Variants in NMNAT2 observed in about 807,000 individuals in gnomAD.
The protein encoded by NMNAT2 is nicotinamide/nicotinic acid mononucleotide adenylyltransferase 2.
A neutral mutation model predicts 41.6 loss-of-function variants in NMNAT2; 11 were observed. That is an observed-to-expected ratio of 0.26 (90% confidence interval 0.17 to 0.44). The LOEUF (loss-of-function observed/expected upper bound fraction) is 0.44. Among genes scored for constraint, NMNAT2 ranks in the 20% least tolerant of loss-of-function variants. The pLI is 1.00. For synonymous variants in NMNAT2, 148 were observed against 151.2 expected, an observed-to-expected ratio of 0.98 and a Z score of 0.16; for missense variants, 288 against 407.7, an observed-to-expected ratio of 0.71 and a Z score of 2.53.
At chr1:183,392,868 T>C (rs555774582) in intron 1 of NMNAT2, among the ~76,000 whole-genome samples, 13 of 152,202 alleles carry the variant, frequency 8.5e-5, no homozygotes, top group Non-Finnish European at 1.6e-4. Context: ...AACCCCATAC[T>C]CACTAGTCCT....
chr1:183,299,200 C>T (rs1201629128), intron 1 of NMNAT2, among the ~76,000 whole-genome samples: 3 of 151,830 alleles, frequency 2.0e-5, no homozygotes, highest in Non-Finnish European at 2.9e-5. Flanking sequence ...GGTGAAACCC[C>T]GTCTATACTA....
chr1:183,296,221 A>G (rs1377514510), intron 1 of NMNAT2, among the ~76,000 whole-genome samples: 1 of 152,154 alleles, frequency 6.6e-6, no homozygotes, highest in Non-Finnish European at 1.5e-5. Flanking sequence ...CCATTCATCT[A>G]CCAAAGAACA....
At chr1:183,350,438 G>A (rs1028334032) in intron 1 of NMNAT2, among the ~76,000 whole-genome samples, 1 of 151,938 alleles carries the variant, frequency 6.6e-6, no homozygotes, top group East Asian at 1.9e-4. Flanking sequence ...AGAAAGAAGG[G>A]GCCCTCCTTC....
chr1:183,375,766 A>G (rs986388662), intron 1 of NMNAT2, among the ~76,000 whole-genome samples: 3 of 149,354 alleles, frequency 2.0e-5, no homozygotes, highest in Non-Finnish European at 4.5e-5. Context: ...CCTCCCTCCA[A>G]CTAAGTCCAG....
intron 1 of NMNAT2, among the ~76,000 whole-genome samples, chr1:183,404,961 C>G (rs976377754): frequency 2.6e-5 from 4 of 152,182 alleles, no homozygotes; most frequent in African/African-American, 9.7e-5. Context: ...TGGCTTAAGC[C>G]TGTAATCCCA....
chr1:183,353,095 C>T (rs911347825), intron 1 of NMNAT2, among the ~76,000 whole-genome samples: 15 of 152,114 alleles, frequency 9.9e-5, no homozygotes, highest in African/African-American at 3.4e-4. Context: ...CAACCTCTGC[C>T]CTCCGAGTTC....
At chr1:183,351,173 AT>A (rs1405170496) in intron 1 of NMNAT2, among the ~76,000 whole-genome samples, 1 of 152,344 alleles carries the variant, frequency 6.6e-6, no homozygotes, top group East Asian at 1.9e-4. Context: ...TTGCATTATA[AT>A]AGGAGTTTTC....
rs181135389 is a variant in NMNAT2 at position 183,346,759 on chromosome 1, G to A, written c.86-52966C>T. ...CTCAGCTCATCGGAACACTCATTCT[G>A]TTTCACAGAACGAGGTGTTGCCTGA... On this transcript the variant is annotated intron_variant, in intron 1 of 10. Coordinates refer to ENST00000287713, the MANE Select transcript of NMNAT2 (RefSeq NM_015039.4). 3.9e-4 allele frequency among the ~76,000 whole-genome samples: 59 copies of A among 152,236 alleles called. 2 individuals carry two copies. In the East Asian group the frequency reaches 0.011, roughly 27 times the overall value.
rs76360662 is a variant in NMNAT2 at position 183,275,643 on chromosome 1, G to A, written c.651+2910C>T. Among the ~76,000 whole-genome samples the A allele has an allele frequency of 7.4e-3, 1,095 of 147,476 alleles. 8 individuals carry two copies. Among genetic ancestry groups the A allele is most frequent in the African/African-American group, 0.026 (1,039 of 39,902 alleles). On this transcript the variant is annotated intron_variant, in intron 8 of 10. Coordinates refer to ENST00000287713, the MANE Select transcript of NMNAT2 (RefSeq NM_015039.4). Reference sequence around the variant, plus strand: ...CCAGGATGGCTAACCCAGGACTGAGGGAGATCCCAGGATATGAGCATTTCC... The same window carrying A: ...CCAGGATGGCTAACCCAGGACTGAGAGAGATCCCAGGATATGAGCATTTCC...
intron 1 of NMNAT2, among the ~76,000 whole-genome samples, chr1:183,294,895 C>A (rs1483919651): frequency 6.6e-6 from 1 of 152,210 alleles, no homozygotes; most frequent in Admixed American, 6.5e-5. Context: ...AAGTAGAAGG[C>A]GGCCTGGGCA....
chr1:183,262,245 G>C (rs529234640), intron 8 of NMNAT2, among the ~76,000 whole-genome samples: 1 of 150,172 alleles, frequency 6.7e-6, no homozygotes, highest in African/African-American at 2.4e-5. Context: ...CCTTCTTTTC[G>C]TTTAAAAGAA....
intron 1 of NMNAT2, among the ~76,000 whole-genome samples, chr1:183,396,011 C>G (rs910876661): frequency 6.6e-6 from 1 of 152,174 alleles, no homozygotes; most frequent in Non-Finnish European, 1.5e-5. Context: ...CTCTCACTGT[C>G]CTCTGGCTTT....
rs1188292900 is a variant in NMNAT2 at position 183,292,851 on chromosome 1, C to T, written c.181G>A (p.Val61Met). ...VHDSYGKQGL[V>M]SSRHRLIMCQ... is the part of the protein sequence containing the mutation. ...ATGATGAGACGGTGCCGGCTTGACA[C>T]GAGGCCCTGGGAAGCAACAGAGCAA... Residue 61 changes from valine to methionine, a missense_variant, in exon 3 of 11, where the codon GTG (valine) becomes ATG (methionine). Val to Met is a conservative substitution (Grantham distance 21). Coordinates refer to ENST00000287713, the MANE Select transcript of NMNAT2 (RefSeq NM_015039.4). 6.2e-6 allele frequency: 10 copies of T among 1,613,866 alleles called. No homozygotes were observed. Among genetic ancestry groups the T allele is most frequent in the East Asian group, 4.5e-5 (2 of 44,862 alleles).
At chr1:183,327,792 C>T (rs1571600633) in intron 1 of NMNAT2, among the ~76,000 whole-genome samples, 1 of 152,296 alleles carries the variant, frequency 6.6e-6, no homozygotes, top group East Asian at 1.9e-4. Flanking sequence ...AAATAGTCTT[C>T]TTAGCTGCTG....
At chr1:183,358,513 G>C in intron 1 of NMNAT2, among the ~76,000 whole-genome samples, 1 of 152,184 alleles carries the variant, frequency 6.6e-6, no homozygotes, top group East Asian at 1.9e-4. Flanking sequence ...TGGGAGGAAA[G>C]AGGGAAGGCC....
In NMNAT2 at chr1:183,374,278, C is replaced by T. The variant is rs184277474; in HGVS notation, c.85+43905G>A. ...ATGTTTCCTCCAAAGGGAAGATAGACTTCAGGAATCTGCTTGCACCCCCCT... is the reference window on the plus strand; with the variant it reads ...ATGTTTCCTCCAAAGGGAAGATAGATTTCAGGAATCTGCTTGCACCCCCCT... On this transcript the variant is annotated intron_variant, in intron 1 of 10. Coordinates refer to ENST00000287713, the MANE Select transcript of NMNAT2 (RefSeq NM_015039.4). Among the ~76,000 whole-genome samples, 19 of 131,818 alleles carry T rather than the reference C, an allele frequency of 1.4e-4. No individual in the cohort carries two copies. The Admixed American group carries it at 1.5e-3, about 10-fold the overall frequency. The allele number at this position is 131,818 out of a possible 152,430, so 86.5% of individuals were successfully genotyped here.
intron 1 of NMNAT2, among the ~76,000 whole-genome samples, chr1:183,390,600 A>C (rs1160544868): frequency 1.3e-5 from 2 of 152,244 alleles, no homozygotes; most frequent in Non-Finnish European, 2.9e-5. Context: ...TTAAGAGAGC[A>C]CTTAAAATTG....
intron 1 of NMNAT2, among the ~76,000 whole-genome samples, chr1:183,363,591 C>CAG (rs1269658963): frequency 6.6e-6 from 1 of 151,834 alleles, no homozygotes; most frequent in Non-Finnish European, 1.5e-5. Flanking sequence ...CACACACACA[C>CAG]ACACACACAC....
intron 1 of NMNAT2, among the ~76,000 whole-genome samples, chr1:183,413,638 G>T (rs1174726148): frequency 3.5e-5 from 4 of 113,924 alleles, no homozygotes; most frequent in African/African-American, 7.0e-5. Flanking sequence ...ACGGAGTCTC[G>T]CTCTGTCGCC....
Sources: gnomAD v4.1 joint callset for allele counts (sites outside exome capture counted in the v4.1 genomes callset) on GRCh38, gnomAD v4.1.1 for gene constraint, MANE v1.5 for transcripts, NCBI Gene and HGNC (gene_info 2026-07-23, HGNC 2026-07-21) for gene names.